DGKD: variants seen among roughly 807,000 people sequenced by gnomAD.
The protein encoded by DGKD is DAG kinase delta.
A neutral mutation model predicts 154.4 loss-of-function variants in DGKD; 68 were observed. That is an observed-to-expected ratio of 0.44 (90% CI 0.36 to 0.54). The LOEUF is 0.54. DGKD is among the 20% of genes least tolerant of loss of function. The probability of loss-of-function intolerance (pLI) is 0.00; values close to 1 mark genes in which losing one functional copy is unlikely to be tolerated. For missense variants in DGKD, 1,343 were observed against 1,593.6 expected, an observed-to-expected ratio of 0.84 and a Z score of 2.68; for synonymous variants, 693 against 638.0, an observed-to-expected ratio of 1.09 and a Z score of -1.30.
chr2:233,412,365 TTA>T (rs1180724621), intron 3 of DGKD, among the ~76,000 whole-genome samples: 1 of 152,244 alleles, frequency 6.6e-6, no homozygotes, highest in African/African-American at 2.4e-5. Context: ...TCAATGTAAT[TTA>T]TGTTTTTATT....
At chr2:233,437,236 GC>G in intron 7 of DGKD, 140 bp from the exon 8 acceptor site, 1 of 724,750 alleles carries the variant, frequency 1.4e-6, no homozygotes, top group Non-Finnish European at 2.4e-6. Flanking sequence ...CCGGCCCAGG[GC>G]CCCTGATGGT....
chr2:233,401,628 C>T (rs1004954958), intron 3 of DGKD, among the ~76,000 whole-genome samples: 16 of 152,154 alleles, frequency 1.1e-4, no homozygotes, highest in African/African-American at 3.6e-4. Flanking sequence ...GTTAAAAGCG[C>T]TGTGAACTAA....
At chr2:233,421,062 CTTTAAG>C (rs2062097504) in intron 3 of DGKD, among the ~76,000 whole-genome samples, 1 of 152,116 alleles carries the variant, frequency 6.6e-6, no homozygotes, top group Non-Finnish European at 1.5e-5. Flanking sequence ...TCTATAGTGT[CTTTAAG>C]TTTTTCTTTT....
chr2:233,432,842 G>A (rs2062575158), intron 3 of DGKD, among the ~76,000 whole-genome samples: 1 of 152,158 alleles, frequency 6.6e-6, no homozygotes, highest in Non-Finnish European at 1.5e-5. Flanking sequence ...ATATGAAAAA[G>A]TGCTCAATAT....
At chr2:233,406,945 C>T (rs952833113) in intron 3 of DGKD, among the ~76,000 whole-genome samples, 2 of 152,126 alleles carry the variant, frequency 1.3e-5, no homozygotes, top group Admixed American at 1.3e-4. Flanking sequence ...TTCCTTTTCC[C>T]CAAGTAATAT....
intron 3 of DGKD, among the ~76,000 whole-genome samples, chr2:233,409,744 G>A (rs1303135035): frequency 6.8e-6 from 1 of 146,906 alleles, no homozygotes; most frequent in Non-Finnish European, 1.5e-5. Context: ...TGAAGAACCT[G>A]GTTTGAAGTG....
chr2:233,381,695 A>G (rs576214112), intron 1 of DGKD, among the ~76,000 whole-genome samples: 17 of 152,294 alleles, frequency 1.1e-4, no homozygotes, highest in South Asian at 2.1e-4. Flanking sequence ...ATTGCTTCCT[A>G]TATGTGAATC....
chr2:233,461,677 T>G (rs2063649053), intron 24 of DGKD, among the ~76,000 whole-genome samples: 2 of 152,250 alleles, frequency 1.3e-5, no homozygotes, highest in South Asian at 4.1e-4. Flanking sequence ...GTGGCCCCTC[T>G]GGCCTGCCTG....
intron 3 of DGKD, among the ~76,000 whole-genome samples, chr2:233,413,729 C>T (rs1477710761): frequency 6.6e-6 from 1 of 152,222 alleles, no homozygotes; most frequent in Admixed American, 6.5e-5. Flanking sequence ...CTGGCTGAGT[C>T]AGGCTGGCAG....
At chr2:233,384,651 A>G (rs1464855734) in intron 1 of DGKD, among the ~76,000 whole-genome samples, 1 of 151,906 alleles carries the variant, frequency 6.6e-6, no homozygotes, top group Admixed American at 6.6e-5. Context: ...CATCTTTCTG[A>G]ACATTCCCAT....
chr2:233,358,659 A>G (rs1701635662), intron 1 of DGKD, among the ~76,000 whole-genome samples: 2 of 152,188 alleles, frequency 1.3e-5, no homozygotes, highest in Admixed American at 1.3e-4. Context: ...ATCATACAAT[A>G]TGTGGTCTGG....
intron 1 of DGKD, among the ~76,000 whole-genome samples, chr2:233,372,171 C>T (rs1303922067): frequency 6.6e-6 from 1 of 152,114 alleles, no homozygotes; most frequent in African/African-American, 2.4e-5. Flanking sequence ...CAAGCATGCA[C>T]CACCACACCT....
chr2:233,370,713 A>G (rs1271954966), intron 1 of DGKD, among the ~76,000 whole-genome samples: 1 of 151,728 alleles, frequency 6.6e-6, no homozygotes, highest in Non-Finnish European at 1.5e-5. Context: ...GTGAACATTC[A>G]TGTACAAATT....
At chr2:233,437,273 A>ACCTG in intron 7 of DGKD, 104 bp from the exon 8 acceptor site, 1 of 1,047,124 alleles carries the variant, frequency 9.5e-7, no homozygotes, top group Non-Finnish European at 1.4e-6. Context: ...CTCTGAAATC[A>ACCTG]CCTGCCTCCC....
chr2:233,383,797 C>T (rs572885886), intron 1 of DGKD, among the ~76,000 whole-genome samples: 3 of 152,242 alleles, frequency 2.0e-5, no homozygotes, highest in South Asian at 2.1e-4. Context: ...CCCCAAATTC[C>T]GCTTCTCTTA....
At chr2:233,407,874 T>G (rs1308637796) in intron 3 of DGKD, among the ~76,000 whole-genome samples, 1 of 152,192 alleles carries the variant, frequency 6.6e-6, no homozygotes. Flanking sequence ...TCTCAGCTGT[T>G]TCTAACAGAC....
rs1457761593 is a variant in DGKD, at chr2:233,470,386, A to AG, written c.*930dup. Reference sequence around the variant, plus strand: ...CCAGGGAGCGTGGCCCTGGTGGGCCAGGGGTGGTTTGACCTCTTCAGCCCG... The same window carrying AG: ...CCAGGGAGCGTGGCCCTGGTGGGCCAGGGGGTGGTTTGACCTCTTCAGCCCG... On this transcript the variant is annotated 3_prime_UTR_variant, in exon 30 of 30. Coordinates refer to ENST00000264057, the MANE Select transcript of DGKD (RefSeq NM_152879.3). 6.6e-6 allele frequency: 1 copy of AG among 152,372 alleles called. No individual in the cohort carries two copies. The highest frequency in any genetic ancestry group is 1.9e-4 in the East Asian group (1 of 5,306). 9.4% of individuals were successfully genotyped at this position (152,372 alleles called of 1,614,324 possible). A position where few individuals can be genotyped will look rare whatever the true frequency, so the allele number is the denominator to read the frequency against.
chr2:233,461,237 C>T (rs745776760), intron 24 of DGKD, among the ~76,000 whole-genome samples: 57 of 152,338 alleles, frequency 3.7e-4, no homozygotes, highest in African/African-American at 1.3e-3. Context: ...CCCCCGTGGC[C>T]GCACGCTGGC....
chr2:233,444,127 TCTC>T (rs2062987277), intron 10 of DGKD, among the ~76,000 whole-genome samples: 5 of 152,154 alleles, frequency 3.3e-5, no homozygotes, highest in Admixed American at 3.3e-4. Context: ...TCTCTGGATG[TCTC>T]CTAGTGCCTC....
Sources: allele counts gnomAD v4.1 joint callset (sites outside exome capture counted in the v4.1 genomes callset), GRCh38; gene constraint gnomAD v4.1.1; transcripts MANE v1.5; gene names NCBI Gene and HGNC (gene_info 2026-07-23, HGNC 2026-07-21).